The following TRPM3 variants were observed in gnomAD, a reference collection of about 807,000 sequenced individuals.
TRPM3 encodes the protein transient receptor potential cation channel subfamily M member 3.
TRPM3 carries 77 observed loss-of-function variants against 181.2 expected under a neutral mutation model. The observed-to-expected ratio is 0.42, with a 90% CI of 0.35 to 0.51. TRPM3 has a LOEUF of 0.51. Among genes scored for constraint, TRPM3 ranks in the 20% least tolerant of loss-of-function variants. The probability of loss-of-function intolerance (pLI) is 0.01; values close to 1 mark genes in which losing one functional copy is unlikely to be tolerated. For missense variants in TRPM3, 1,759 were observed against 2,196.7 expected (o/e 0.80, Z 3.98); for synonymous variants, 745 against 796.4 (o/e 0.94, Z 1.09).
intron 1 of TRPM3, among the ~76,000 whole-genome samples, chr9:71,079,181 ATATC>A (rs1192167457): frequency 6.6e-6 from 1 of 152,180 alleles, no homozygotes; most frequent in Non-Finnish European, 1.5e-5. Flanking sequence ...ATGTTTGACT[ATATC>A]TATCAGAGTT....
chr9:70,973,693 T>C lies in TRPM3; in HGVS notation c.178-109182A>G, dbSNP rs183680321. 4.4e-3 allele frequency among the ~76,000 whole-genome samples: 673 copies of C among 152,312 alleles called. 7 individuals are homozygous for C. The highest frequency in any genetic ancestry group is 0.015 in the African/African-American group (624 of 41,572). ...CAAATGCTACAAATCATCATCTTCA[T>C]TCCCTCCTCTGACCTGGCTATTAAA... On this transcript the variant is annotated intron_variant, in intron 1 of 25. Transcript: ENST00000677713.
Position 70,841,710 on chromosome 9 carries a change from A to G in TRPM3, c.801+1293T>C, listed in dbSNP as rs574632317. The stretch of plus-strand genomic sequence containing the variant: ...GATATATCCCACCATATACATATAT[A>G]TCTCCCACCATATATATATATATAT... On this transcript the variant is annotated intron_variant, in intron 5 of 25. Transcript: ENST00000677713. Among the ~76,000 whole-genome samples, 174 of 143,952 alleles carry G rather than the reference A, an allele frequency of 1.2e-3. 1 individual carries two copies. Among genetic ancestry groups the G allele is most frequent in the African/African-American group, 4.4e-3 (167 of 38,292 alleles). 94.4% of individuals were successfully genotyped at this position (143,952 alleles called of 152,430 possible).
chr9:70,560,685 C>G (rs2048832976), intron 22 of TRPM3, among the ~76,000 whole-genome samples: 1 of 152,106 alleles, frequency 6.6e-6, no homozygotes. Context: ...AGGAATCTCT[C>G]AATTATGAAC....
intron 1 of TRPM3, among the ~76,000 whole-genome samples, chr9:71,252,278 T>C (rs2082393382): frequency 6.6e-6 from 1 of 152,214 alleles, no homozygotes; most frequent in Non-Finnish European, 1.5e-5. Context: ...TAAAATCTGC[T>C]GCTCAGCCCT....
chr9:71,333,130 T>C (rs2090326959), intron 1 of TRPM3, among the ~76,000 whole-genome samples: 2 of 151,838 alleles, frequency 1.3e-5, no homozygotes, highest in South Asian at 4.2e-4. Context: ...ACAATGACAC[T>C]CAACAGAGAT....
In TRPM3 at chr9:70,998,942, C is replaced by A. The variant is rs181075592; in HGVS notation, c.177+122236G>T. On this transcript the variant is annotated intron_variant, in intron 1 of 25. Coordinates refer to ENST00000677713, the MANE Select transcript of TRPM3 (RefSeq NM_001366145.2). ...TTTCCATAATTTGTGCTGCATCCCT[C>A]CTCTATACAAGGCACTGTGATGGAG... 1.1e-3 allele frequency among the ~76,000 whole-genome samples: 164 copies of A among 152,316 alleles called. 1 individual carries two copies. The highest frequency in any genetic ancestry group is 7.8e-4 in the Non-Finnish European group (53 of 68,034).
intron 1 of TRPM3, among the ~76,000 whole-genome samples, chr9:71,243,452 C>G (rs971563160): frequency 1.3e-5 from 2 of 152,198 alleles, no homozygotes; most frequent in Non-Finnish European, 2.9e-5. Context: ...CTGCCAGGCT[C>G]TGGCATATCA....
chr9:70,540,139 A>G (rs2042903852), intron 25 of TRPM3, among the ~76,000 whole-genome samples: 1 of 152,222 alleles, frequency 6.6e-6, no homozygotes, highest in African/African-American at 2.4e-5. Flanking sequence ...CACTTGGCCA[A>G]TAAACTTTGT....
intron 6 of TRPM3, among the ~76,000 whole-genome samples, chr9:70,785,009 G>A (rs1051292945): frequency 3.9e-5 from 6 of 152,174 alleles, no homozygotes; most frequent in Admixed American, 6.5e-5. Context: ...TTATAGGCAC[G>A]TCCACCATGC....
intron 9 of TRPM3, among the ~76,000 whole-genome samples, chr9:70,652,050 G>T (rs2059662083): frequency 6.6e-6 from 1 of 152,070 alleles, no homozygotes. Context: ...TGAATAGATC[G>T]ACATGGGGTT....
rs1200551127 is a variant in TRPM3 at position 71,341,344 on chromosome 9, T to A, written c.183+105309A>T. Among the ~76,000 whole-genome samples the A allele has an allele frequency of 2.0e-5, 3 of 152,282 alleles. No homozygotes were observed. The South Asian group carries it at 6.2e-4, about 32-fold the overall frequency. On this transcript the variant is annotated intron_variant, in intron 1 of 24. Coordinates refer to the TRPM3 transcript ENST00000357533. ...AAAGTAACTTCATGGTGAGGAAATC[T>A]GGCAGATGCCACCTTAACCAAATGA...
intron 1 of TRPM3, among the ~76,000 whole-genome samples, chr9:70,974,863 A>ATTTTTTTTTTTTTTTTTTTT (rs1177545043): frequency 5.9e-5 from 7 of 117,968 alleles, no homozygotes; most frequent in African/African-American, 1.6e-4. Flanking sequence ...TGGAACATCA[A>ATTTTTTTTTTTTTTTTTTTT]TTTTTTTTTT....
At chr9:70,782,600 C>A (rs2082704758) in intron 7 of TRPM3, among the ~76,000 whole-genome samples, 2 of 152,172 alleles carry the variant, frequency 1.3e-5, no homozygotes, top group African/African-American at 4.8e-5. Context: ...GGTACATATT[C>A]TCTTTTTAGG....
chr9:71,177,881 A>C (rs1396447366), intron 1 of TRPM3, among the ~76,000 whole-genome samples: 1 of 150,780 alleles, frequency 6.6e-6, no homozygotes, highest in African/African-American at 2.4e-5. Flanking sequence ...TCCTTAAACT[A>C]TAGGGAGCTG....
At chr9:71,446,529 G>T in intron 1 of TRPM3, 1 of 972,208 alleles carries the variant, frequency 1.0e-6, no homozygotes, top group Non-Finnish European at 1.5e-6. Flanking sequence ...TTCATTAGAA[G>T]CGGCGCCACA....
intron 8 of TRPM3, among the ~76,000 whole-genome samples, chr9:70,749,006 G>T (rs879776662): frequency 6.6e-6 from 1 of 151,948 alleles, no homozygotes; most frequent in East Asian, 1.9e-4. Context: ...TAGAACTCCG[G>T]TTGCATGCCA....
chr9:71,172,787 A>G (rs1359591732), intron 1 of TRPM3, among the ~76,000 whole-genome samples: 1 of 152,208 alleles, frequency 6.6e-6, no homozygotes, highest in Non-Finnish European at 1.5e-5. Context: ...GGTTCTTCCC[A>G]TGGAACTGAA....
At position 71,437,835 on chromosome 9, in the gene TRPM3, T is replaced by G. The variant is rs543295368; in HGVS notation, c.183+8818A>C. ...GTGAGCAGAGATGGCACCACTTCAC[T>G]CCAGCCCGGGCAAAAGAGCGAAACT... On this transcript the variant is annotated intron_variant, in intron 1 of 24. Transcript: ENST00000357533. 3.0e-5 allele frequency among the ~76,000 whole-genome samples: 4 copies of G among 134,172 alleles called. No individual in the cohort carries two copies. In the South Asian group the frequency reaches 9.5e-4, roughly 32 times the overall value. The allele number at this position is 134,172 out of a possible 152,430, so 88.0% of individuals were successfully genotyped here.
chr9:71,187,896 T>TAGATAGAC (rs1721478443), intron 1 of TRPM3, among the ~76,000 whole-genome samples: 1 of 43,098 alleles, frequency 2.3e-5, no homozygotes, highest in African/African-American at 1.1e-4. Flanking sequence ...AGATGATAGA[T>TAGATAGAC]AGATAGATAG....
Sources: allele counts gnomAD v4.1 joint callset (sites outside exome capture counted in the v4.1 genomes callset), GRCh38; gene constraint gnomAD v4.1.1; transcripts MANE v1.5; gene names NCBI Gene and HGNC (gene_info 2026-07-23, HGNC 2026-07-21).